The following ADAMTS12 variants were observed in gnomAD, a reference collection of about 807,000 sequenced individuals.
ADAMTS12 encodes the protein A disintegrin and metalloproteinase with thrombospondin motifs 12.
A neutral mutation model predicts 167.8 loss-of-function variants in ADAMTS12; 118 were observed. The observed-to-expected ratio is 0.70, with a 90% CI of 0.61 to 0.82. ADAMTS12 has a LOEUF of 0.82. Ranked by LOEUF, ADAMTS12 falls within the 40% of genes least tolerant of loss-of-function variation. The probability of loss-of-function intolerance (pLI) is 0.00; values close to 1 mark genes in which losing one functional copy is unlikely to be tolerated. For synonymous variants in ADAMTS12, 704 were observed against 716.9 expected, an observed-to-expected ratio of 0.98 and a Z score of 0.29; for missense variants, 1,916 against 1,998.8, an observed-to-expected ratio of 0.96 and a Z score of 0.79.
chr5:33,814,495 G>A (rs553560068), intron 2 of ADAMTS12, among the ~76,000 whole-genome samples: 2 of 152,314 alleles, frequency 1.3e-5, no homozygotes, highest in South Asian at 4.1e-4. Context: ...CAATTAAGCA[G>A]TTAGATACAT....
At chr5:33,582,202 C>T (rs1037859444) in intron 18 of ADAMTS12, among the ~76,000 whole-genome samples, 2 of 152,160 alleles carry the variant, frequency 1.3e-5, no homozygotes, top group African/African-American at 4.8e-5. Context: ...TAGCTCTCAG[C>T]TGGTTTTCTG....
intron 2 of ADAMTS12, among the ~76,000 whole-genome samples, chr5:33,880,174 C>T (rs563811844): frequency 1.3e-5 from 2 of 152,292 alleles, no homozygotes; most frequent in South Asian, 4.2e-4. Flanking sequence ...AAGTAACTTG[C>T]ACAGTGAATT....
At chr5:33,702,482 T>A (rs1250321774) in intron 3 of ADAMTS12, among the ~76,000 whole-genome samples, 1 of 152,104 alleles carries the variant, frequency 6.6e-6, no homozygotes, top group African/African-American at 2.4e-5. Context: ...TAGACAGGAG[T>A]GTAAGTCAAA....
chr5:33,808,826 C>T (rs965740429), intron 2 of ADAMTS12, among the ~76,000 whole-genome samples: 1 of 152,182 alleles, frequency 6.6e-6, no homozygotes, highest in Non-Finnish European at 1.5e-5. Context: ...CTTAAAGTTA[C>T]ACAAACAAAA....
chr5:33,610,051 T>C (rs1329003695), intron 16 of ADAMTS12, among the ~76,000 whole-genome samples: 1 of 152,068 alleles, frequency 6.6e-6, no homozygotes, highest in African/African-American at 2.4e-5. Flanking sequence ...TGGTGGCGCA[T>C]GCCTGTAATC....
intron 16 of ADAMTS12, among the ~76,000 whole-genome samples, chr5:33,608,829 C>T (rs943591975): frequency 5.3e-5 from 8 of 152,108 alleles, no homozygotes; most frequent in African/African-American, 1.9e-4. Context: ...TGATAAGCCT[C>T]GGATCTGATG....
chr5:33,561,575 G>C (rs1028405378), intron 19 of ADAMTS12, among the ~76,000 whole-genome samples: 5 of 152,184 alleles, frequency 3.3e-5, no homozygotes, highest in Non-Finnish European at 7.3e-5. Flanking sequence ...TTGAGCCCAG[G>C]AGTTTGAGAT....
rs1276581926 is a variant in ADAMTS12 at position 33,577,038 on chromosome 5, G to C, written c.2988C>G (p.Cys996Trp). The change falls in exon 19 of 24, where the codon TGC becomes TGG. Residue 996 changes from cysteine (C) to tryptophan (W), a missense_variant. Cys to Trp is a radical substitution (Grantham distance 215). Coordinates refer to ENST00000504830, the MANE Select transcript of ADAMTS12 (RefSeq NM_030955.4). ...NSRALCGLQQ[C>W]PSSRRVLKPN... ...GTTTCAGAACTCTCCGGCTAGAAGGGCATTGCTGGAGGCCACACAGAGCTC... is the reference window on the plus strand; with the variant it reads ...GTTTCAGAACTCTCCGGCTAGAAGGCCATTGCTGGAGGCCACACAGAGCTC... 6.2e-7 allele frequency: 1 copy of C among 1,614,180 alleles called. No individual in the cohort carries two copies. Among genetic ancestry groups the C allele is most frequent in the Non-Finnish European group, 8.5e-7 (1 of 1,180,026 alleles).
chr5:33,620,256 G>A (rs535812959), intron 14 of ADAMTS12, among the ~76,000 whole-genome samples: 11 of 152,302 alleles, frequency 7.2e-5, no homozygotes, highest in African/African-American at 2.6e-4. Flanking sequence ...TTCCTGTAAT[G>A]TCATGACTTT....
At chr5:33,873,505 A>G (rs559928067) in intron 2 of ADAMTS12, among the ~76,000 whole-genome samples, 1 of 152,338 alleles carries the variant, frequency 6.6e-6, no homozygotes, top group East Asian at 1.9e-4. Context: ...CTTAATCTAT[A>G]GACTTAATGC....
intron 16 of ADAMTS12, among the ~76,000 whole-genome samples, chr5:33,613,977 A>G (rs1419276527): frequency 2.6e-5 from 4 of 152,206 alleles, no homozygotes; most frequent in Non-Finnish European, 4.4e-5. Context: ...ACGTAATGAA[A>G]CATTCAAACA....
At chr5:33,825,290 G>C (rs1337756204) in intron 2 of ADAMTS12, among the ~76,000 whole-genome samples, 1 of 152,166 alleles carries the variant, frequency 6.6e-6, no homozygotes, top group African/African-American at 2.4e-5. Flanking sequence ...TGAAATTCCA[G>C]ACAAATCTTC....
intron 2 of ADAMTS12, among the ~76,000 whole-genome samples, chr5:33,828,499 G>C (rs1748174264): frequency 6.6e-6 from 1 of 152,008 alleles, no homozygotes; most frequent in Admixed American, 6.6e-5. Context: ...ATTTCTCAAT[G>C]TTTTGCTATA....
rs1252209967 is a variant in ADAMTS12, at chr5:33,889,109, A to G, written c.127+2621T>C. On this transcript the variant is annotated intron_variant, in intron 1 of 23. Transcript: ENST00000504830. ...GCATTTATTAGGTGCTCAATCATAT[A>G]TGTTGACTAACTGATGCCCTAGACC... 1.1e-4 allele frequency among the ~76,000 whole-genome samples: 17 copies of G among 152,262 alleles called. 1 individual carries two copies. The highest frequency in any genetic ancestry group is 6.8e-3 in the Middle Eastern group (2 of 294).
At chr5:33,785,690 A>G (rs1746300326) in intron 2 of ADAMTS12, among the ~76,000 whole-genome samples, 1 of 152,198 alleles carries the variant, frequency 6.6e-6, no homozygotes, top group Non-Finnish European at 1.5e-5. Flanking sequence ...CATATGGAAA[A>G]ACTGAAACCC....
intron 1 of ADAMTS12, among the ~76,000 whole-genome samples, chr5:33,882,293 G>A (rs1030128061): frequency 3.3e-5 from 5 of 152,168 alleles, no homozygotes; most frequent in African/African-American, 1.2e-4. Context: ...ATGCAGCAAA[G>A]AGTGCATAAA....
intron 3 of ADAMTS12, among the ~76,000 whole-genome samples, chr5:33,691,314 T>A (rs1469461394): frequency 6.6e-6 from 1 of 152,232 alleles, no homozygotes; most frequent in Non-Finnish European, 1.5e-5. Context: ...TAATACCTAG[T>A]GTTCTGAGGA....
chr5:33,553,518 G>C (rs1176429921), intron 20 of ADAMTS12, among the ~76,000 whole-genome samples: 1 of 152,192 alleles, frequency 6.6e-6, no homozygotes, highest in Non-Finnish European at 1.5e-5. Context: ...ATACACTATG[G>C]AATACTATGA....
chr5:33,709,518 T>C (rs1743318906), intron 3 of ADAMTS12, among the ~76,000 whole-genome samples: 1 of 152,180 alleles, frequency 6.6e-6, no homozygotes, highest in African/African-American at 2.4e-5. Context: ...TGGAATACTA[T>C]GCAGCCATAA....
Sources: gnomAD v4.1 joint callset for allele counts (sites outside exome capture counted in the v4.1 genomes callset) on GRCh38, gnomAD v4.1.1 for gene constraint, MANE v1.5 for transcripts, NCBI Gene and HGNC (gene_info 2026-07-23, HGNC 2026-07-21) for gene names.